Variants in CSMD2 observed in about 807,000 individuals in gnomAD.
CSMD2 encodes the protein CUB and Sushi multiple domains 2, also known as CUB and sushi domain-containing protein 2.
A neutral mutation model predicts 398.5 loss-of-function variants in CSMD2; 130 were observed. That is an observed-to-expected ratio of 0.33 (90% CI 0.28 to 0.38). The LOEUF (loss-of-function observed/expected upper bound fraction) is 0.38. Ranked by LOEUF, CSMD2 falls within the 10% of genes least tolerant of loss-of-function variation. The probability of loss-of-function intolerance (pLI) is 1.00; values close to 1 mark genes in which losing one functional copy is unlikely to be tolerated. For synonymous variants in CSMD2, 1,828 were observed against 1,908.5 expected, an observed-to-expected ratio of 0.96 and a Z score of 1.10; for missense variants, 3,829 against 4,764.9, an observed-to-expected ratio of 0.80 and a Z score of 5.78.
intron 56 of CSMD2, 118 bp from the exon 57 acceptor site, chr1:33,546,337 GC>G (rs776874071): frequency 1.7e-5 from 17 of 1,001,872 alleles, no homozygotes; most frequent in Non-Finnish European, 2.3e-5. Context: ...CACGAATGAG[GC>G]CTAGCACAAG....
intron 1 of CSMD2, among the ~76,000 whole-genome samples, chr1:34,100,403 T>C (rs994024676): frequency 6.6e-6 from 1 of 152,148 alleles, no homozygotes; most frequent in African/African-American, 2.4e-5. Flanking sequence ...AATAAAACTG[T>C]AGTTTAGCTC....
chr1:34,006,598 G>A (rs1327925707), intron 3 of CSMD2, among the ~76,000 whole-genome samples: 1 of 152,136 alleles, frequency 6.6e-6, no homozygotes, highest in East Asian at 1.9e-4. Flanking sequence ...CTGGTTGACA[G>A]GTTTGTCTGT....
intron 55 of CSMD2, among the ~76,000 whole-genome samples, chr1:33,554,340 C>T (rs1657759374): frequency 6.6e-6 from 1 of 151,990 alleles, no homozygotes; most frequent in African/African-American, 2.4e-5. Flanking sequence ...ACTACAGGTG[C>T]ACACCACCAC....
chr1:33,723,427 G>A (rs1646424691), intron 19 of CSMD2, among the ~76,000 whole-genome samples: 1 of 152,248 alleles, frequency 6.6e-6, no homozygotes, highest in South Asian at 2.1e-4. Context: ...TCTGAGGCTA[G>A]AAGCCAAATC....
At chr1:33,850,766 T>C (rs1638649346) in intron 5 of CSMD2, among the ~76,000 whole-genome samples, 1 of 151,994 alleles carries the variant, frequency 6.6e-6, no homozygotes, top group Admixed American at 6.6e-5. Context: ...TTTTTCTTTT[T>C]GGTAAATTGA....
At chr1:34,165,711 C>G, upstream of CSMD2, 2 of 1,607,742 alleles carry the variant, frequency 1.2e-6, no homozygotes, top group Non-Finnish European at 8.5e-7. Context: ...AAAAGGTAAC[C>G]AAAGAAGGAC....
At chr1:33,792,590 G>A (rs1654460171) in intron 10 of CSMD2, 64 bp from the exon 11 acceptor site, 1 of 1,062,346 alleles carries the variant, frequency 9.4e-7, no homozygotes, top group South Asian at 1.3e-5. Context: ...AAAGCCTTGA[G>A]GGGAGGAAGG....
chr1:33,886,512 G>A (rs1057034387), intron 5 of CSMD2, among the ~76,000 whole-genome samples: 1 of 152,176 alleles, frequency 6.6e-6, no homozygotes, highest in Non-Finnish European at 1.5e-5. Context: ...GGAATCAGGG[G>A]AGAAGCTGAT....
At chr1:33,653,320 G>A (rs751952653) in intron 27 of CSMD2, among the ~76,000 whole-genome samples, 29 of 152,222 alleles carry the variant, frequency 1.9e-4, no homozygotes, top group African/African-American at 4.8e-4. Context: ...TCGGCTTCCC[G>A]GCAAGCTTTG....
intron 21 of CSMD2, among the ~76,000 whole-genome samples, chr1:33,714,152 C>T (rs1646082920): frequency 6.6e-6 from 1 of 152,178 alleles, no homozygotes; most frequent in South Asian, 2.1e-4. Flanking sequence ...TTAGTAAAAG[C>T]ACCCATCTAC....
intron 25 of CSMD2, among the ~76,000 whole-genome samples, chr1:33,671,257 C>A (rs930002364): frequency 6.6e-6 from 1 of 152,120 alleles, no homozygotes; most frequent in African/African-American, 2.4e-5. Context: ...GGAGGGGTTC[C>A]ACCAAAGGAG....
chr1:33,647,335 C>T (rs1643510175), intron 28 of CSMD2, among the ~76,000 whole-genome samples: 1 of 151,930 alleles, frequency 6.6e-6, no homozygotes, highest in African/African-American at 2.4e-5. Context: ...AGTGCTCCAG[C>T]TCTCCTCAGG....
intron 1 of CSMD2, among the ~76,000 whole-genome samples, chr1:34,109,382 T>A (rs942449543): frequency 2.6e-5 from 4 of 152,122 alleles, no homozygotes; most frequent in African/African-American, 7.2e-5. Context: ...AGTGATGGGG[T>A]CAGTATGGCC....
chr1:33,713,686 C>A (rs925095809), intron 21 of CSMD2, among the ~76,000 whole-genome samples: 6 of 152,126 alleles, frequency 3.9e-5, no homozygotes, highest in Non-Finnish European at 5.9e-5. Context: ...TCCACATCTC[C>A]TGTTCTCCCT....
Position 33,571,832 on chromosome 1 carries a change from G to A in CSMD2, c.7763-106C>T, listed in dbSNP as rs983960899. On this transcript the variant is annotated intron_variant, in intron 50 of 70. Transcript: ENST00000373381. Reference sequence around the variant, plus strand: ...TTGGAGACCTTAATGCAATAATGAAGAATCCAGGAATCTTCAGTTCTCAGG... The same window carrying A: ...TTGGAGACCTTAATGCAATAATGAAAAATCCAGGAATCTTCAGTTCTCAGG... The A allele has an allele frequency of 3.7e-6, 3 of 819,950 alleles. No homozygotes were observed. The Admixed American group carries it at 1.2e-4, about 32-fold the overall frequency. The allele number at this position is 819,950 out of a possible 1,614,324, so 50.8% of individuals were successfully genotyped here. A position where few individuals can be genotyped will look rare whatever the true frequency, so the allele number is the denominator to read the frequency against.
chr1:34,095,466 C>A (rs1311455709), intron 1 of CSMD2, among the ~76,000 whole-genome samples: 1 of 150,702 alleles, frequency 6.6e-6, no homozygotes, highest in Non-Finnish European at 1.5e-5. Context: ...TTAATGAATC[C>A]AGGAGCTGGT....
intron 1 of CSMD2, among the ~76,000 whole-genome samples, chr1:34,129,789 C>A (rs1374465734): frequency 6.6e-6 from 1 of 152,236 alleles, no homozygotes; most frequent in Non-Finnish European, 1.5e-5. Flanking sequence ...CCTGCACACA[C>A]AGAGCATCCG....
chr1:33,839,743 A>G (rs1660662510), intron 6 of CSMD2: 1 of 152,358 alleles, frequency 6.6e-6, no homozygotes, highest in South Asian at 2.1e-4. Flanking sequence ...ATTGAAAAAG[A>G]TATCATTTGG....
At chr1:33,853,545 C>T (rs1042534132) in intron 5 of CSMD2, among the ~76,000 whole-genome samples, 1 of 151,354 alleles carries the variant, frequency 6.6e-6, no homozygotes, top group Admixed American at 6.6e-5. Context: ...CACATAATTA[C>T]AATAACAAGT....
Sources: gnomAD v4.1 joint callset for allele counts (sites outside exome capture counted in the v4.1 genomes callset) on GRCh38, gnomAD v4.1.1 for gene constraint, MANE v1.5 for transcripts, NCBI Gene and HGNC (gene_info 2026-07-23, HGNC 2026-07-21) for gene names.